Variants in RABGAP1L observed in about 807,000 individuals in gnomAD.
RABGAP1L encodes the protein RAB GTPase activating protein 1 like, also known as rab GTPase-activating protein 1-like.
A neutral mutation model predicts 137.7 loss-of-function variants in RABGAP1L; 63 were observed. That is an observed-to-expected ratio of 0.46 (90% CI 0.37 to 0.56). The LOEUF is 0.56. Among genes scored for constraint, RABGAP1L ranks in the 20% least tolerant of loss-of-function variants. The pLI is 0.00. For synonymous variants in RABGAP1L, 431 were observed against 433.7 expected (o/e 0.99, Z 0.08); for missense variants, 1,095 against 1,244.0 (o/e 0.88, Z 1.80).
At chr1:174,214,723 AC>A (rs1438527621) in intron 1 of RABGAP1L, among the ~76,000 whole-genome samples, 13 of 152,206 alleles carry the variant, frequency 8.5e-5, no homozygotes, top group African/African-American at 2.7e-4. Flanking sequence ...GCTGCTAAGA[AC>A]ATAACACTGG....
At chr1:174,737,942 G>A (rs1352529341) in intron 17 of RABGAP1L, among the ~76,000 whole-genome samples, 6 of 152,122 alleles carry the variant, frequency 3.9e-5, no homozygotes, top group African/African-American at 1.4e-4. Context: ...ATCACCAAGG[G>A]GAAGGTGCTA....
At chr1:174,351,518 A>G (rs1683188032) in intron 11 of RABGAP1L, among the ~76,000 whole-genome samples, 1 of 151,888 alleles carries the variant, frequency 6.6e-6, no homozygotes, top group Admixed American at 6.6e-5. Context: ...TAAGGTTTCC[A>G]CTGAGAAGTC....
chr1:174,380,281 A>G (rs1686006742), intron 12 of RABGAP1L, among the ~76,000 whole-genome samples: 1 of 152,156 alleles, frequency 6.6e-6, no homozygotes, highest in Non-Finnish European at 1.5e-5. Flanking sequence ...TGGCTTTGGT[A>G]TCAGAATGAT....
intron 11 of RABGAP1L, among the ~76,000 whole-genome samples, chr1:174,368,204 G>T (rs532890683): frequency 6.6e-6 from 1 of 152,306 alleles, no homozygotes; most frequent in African/African-American, 2.4e-5. Context: ...TTACTTGATA[G>T]TGTTCTCTGG....
Position 174,467,299 on chromosome 1 carries a change from A to T in RABGAP1L, c.1710+73154A>T, listed in dbSNP as rs142762325. Among the ~76,000 whole-genome samples, 103 of 152,212 alleles carry T rather than the reference A, an allele frequency of 6.8e-4. 1 individual carries two copies. Among genetic ancestry groups the T allele is most frequent in the African/African-American group, 2.3e-3 (95 of 41,548 alleles). On this transcript the variant is annotated intron_variant, in intron 13 of 25. Coordinates refer to ENST00000681986, the MANE Select transcript of RABGAP1L (RefSeq NM_001366446.1). ...AAAGCTTAAAATTTGTCTTCTCTGT[A>T]GTCATTTATCATCTTTTCAGGGGTC...
At chr1:174,934,994 G>A (rs2149270584) in intron 19 of RABGAP1L, 1 of 152,320 alleles carries the variant, frequency 6.6e-6, no homozygotes. Context: ...AGAGAACACA[G>A]CATATTCAAA....
chr1:174,534,792 A>T (rs1404014872), intron 13 of RABGAP1L, among the ~76,000 whole-genome samples: 1 of 150,894 alleles, frequency 6.6e-6, no homozygotes, highest in Non-Finnish European at 1.5e-5. Context: ...AAAAAAAAAA[A>T]AAAAAAAAAA....
At chr1:174,818,420 A>T (rs1690661793) in intron 19 of RABGAP1L, among the ~76,000 whole-genome samples, 1 of 152,226 alleles carries the variant, frequency 6.6e-6, no homozygotes, top group South Asian at 2.1e-4. Flanking sequence ...TTTAACGAAA[A>T]GACATCCTTA....
intron 24 of RABGAP1L, among the ~76,000 whole-genome samples, chr1:174,988,121 A>G (rs951239150): frequency 3.9e-5 from 6 of 152,160 alleles, no homozygotes; most frequent in African/African-American, 1.4e-4. Flanking sequence ...AGTTACTTTT[A>G]TTAAGCAACA....
chr1:174,668,816 G>A (rs1676969446), intron 14 of RABGAP1L, among the ~76,000 whole-genome samples: 1 of 152,080 alleles, frequency 6.6e-6, no homozygotes, highest in South Asian at 2.1e-4. Flanking sequence ...CAGGAGTTAG[G>A]TGATATCTCA....
intron 13 of RABGAP1L, among the ~76,000 whole-genome samples, chr1:174,536,530 T>A (rs1278896678): frequency 1.3e-5 from 2 of 152,076 alleles, no homozygotes; most frequent in Non-Finnish European, 2.9e-5. Flanking sequence ...AATTATGCTT[T>A]TTTTCCTTTA....
At chr1:174,378,579 G>A (rs1269377089) in intron 12 of RABGAP1L, among the ~76,000 whole-genome samples, 1 of 152,078 alleles carries the variant, frequency 6.6e-6, no homozygotes, top group Non-Finnish European at 1.5e-5. Context: ...CTGCATAAAT[G>A]TCTTCTCTTG....
intron 11 of RABGAP1L, among the ~76,000 whole-genome samples, chr1:174,321,975 T>C (rs1558130849): frequency 7.0e-6 from 1 of 143,708 alleles, no homozygotes; most frequent in African/African-American, 2.7e-5. Context: ...GAGTTCTTTA[T>C]ATATATTAGA....
intron 11 of RABGAP1L, among the ~76,000 whole-genome samples, chr1:174,307,965 C>T (rs1053457647): frequency 6.6e-6 from 1 of 152,000 alleles, no homozygotes; most frequent in African/African-American, 2.4e-5. Flanking sequence ...TTCTCCACAT[C>T]CTTGGAAACA....
chr1:174,772,134 G>T (rs1171745260), intron 18 of RABGAP1L, among the ~76,000 whole-genome samples: 1 of 151,738 alleles, frequency 6.6e-6, no homozygotes, highest in East Asian at 1.9e-4. Flanking sequence ...GGAGGCAGAG[G>T]TTGCAGTGAG....
intron 13 of RABGAP1L, among the ~76,000 whole-genome samples, chr1:174,610,361 C>A (rs917745377): frequency 2.0e-5 from 3 of 151,632 alleles, no homozygotes; most frequent in Admixed American, 6.6e-5. Flanking sequence ...CAATTTCATC[C>A]ATGTCCCTAC....
chr1:174,231,868 T>C (rs1670687626), intron 4 of RABGAP1L, among the ~76,000 whole-genome samples: 1 of 152,164 alleles, frequency 6.6e-6, no homozygotes, highest in African/African-American at 2.4e-5. Flanking sequence ...TAAGAAATTG[T>C]TCCCATGATC....
At chr1:174,634,145 G>A (rs1254420173) in intron 13 of RABGAP1L, among the ~76,000 whole-genome samples, 2 of 130,776 alleles carry the variant, frequency 1.5e-5, no homozygotes, top group Non-Finnish European at 3.2e-5. Context: ...TCTGACAAAG[G>A]GCTAATATCC....
chr1:174,886,197 A>T (rs1655090967), intron 19 of RABGAP1L, among the ~76,000 whole-genome samples: 1 of 151,770 alleles, frequency 6.6e-6, no homozygotes, highest in East Asian at 2.0e-4. Flanking sequence ...ATTTTAGTAG[A>T]GAGAGGGTTT....
Sources: gnomAD v4.1 joint callset for allele counts (sites outside exome capture counted in the v4.1 genomes callset) on GRCh38, gnomAD v4.1.1 for gene constraint, MANE v1.5 for transcripts, NCBI Gene and HGNC (gene_info 2026-07-23, HGNC 2026-07-21) for gene names.